The following PRDM10 variants were observed in gnomAD, a reference collection of about 807,000 sequenced individuals.
PRDM10 encodes the protein PR domain zinc finger protein 10.
PRDM10 carries 65 observed loss-of-function variants against 133.1 expected under a neutral mutation model. That is an observed-to-expected ratio of 0.49 (90% CI 0.40 to 0.60). The LOEUF (loss-of-function observed/expected upper bound fraction) is 0.60, where lower values mean the gene tolerates loss of function less well. PRDM10 is among the 20% of genes least tolerant of loss of function. The pLI, the probability that PRDM10 is intolerant of heterozygous loss-of-function variation, is 0.00. For synonymous variants in PRDM10, 582 were observed against 580.4 expected, an observed-to-expected ratio of 1.00 and a Z score of -0.04; for missense variants, 1,137 against 1,507.1, an observed-to-expected ratio of 0.75 and a Z score of 4.07.
At chr11:129,941,524 C>G (rs1203972226) in intron 7 of PRDM10, among the ~76,000 whole-genome samples, 1 of 152,098 alleles carries the variant, frequency 6.6e-6, no homozygotes, top group Non-Finnish European at 1.5e-5. Flanking sequence ...TGAAGTTAAC[C>G]GACATCTTTA....
chr11:129,914,535 G>A (rs1371571063), intron 17 of PRDM10, 169 bp downstream of exon 17: 1 of 910,436 alleles, frequency 1.1e-6, no homozygotes, highest in East Asian at 2.6e-5. Flanking sequence ...ACATTGCTAA[G>A]GCCAGAGGCC....
chr11:129,946,304 T>G (rs568372366), intron 5 of PRDM10, among the ~76,000 whole-genome samples: 31 of 151,748 alleles, frequency 2.0e-4, no homozygotes, highest in Middle Eastern at 6.8e-3. Context: ...AGAAAACGTA[T>G]GAATTCAAGG....
intron 7 of PRDM10, among the ~76,000 whole-genome samples, chr11:129,941,407 G>A (rs1274802052): frequency 6.6e-6 from 1 of 152,080 alleles, no homozygotes; most frequent in Non-Finnish European, 1.5e-5. Context: ...ATATATTTAT[G>A]AAATCAGAAG....
chr11:129,966,137 G>A (rs936958682), intron 1 of PRDM10, among the ~76,000 whole-genome samples: 7 of 152,146 alleles, frequency 4.6e-5, no homozygotes, highest in Middle Eastern at 6.8e-3. Context: ...CCAGCTGCTC[G>A]GGAGGCTGAG....
chr11:129,994,746 G>C (rs1253811659), intron 1 of PRDM10, among the ~76,000 whole-genome samples: 1 of 151,912 alleles, frequency 6.6e-6, no homozygotes, highest in Non-Finnish European at 1.5e-5. Context: ...CCGCCTCCTG[G>C]GTTCATGCCA....
intron 15 of PRDM10, 133 bp downstream of exon 15, chr11:129,916,994 G>A (rs1950377926): frequency 1.7e-6 from 1 of 573,068 alleles, no homozygotes; most frequent in Non-Finnish European, 2.9e-6. Flanking sequence ...TTGTCTGAAT[G>A]GAGACTACTG....
rs1555113257 is a variant in PRDM10, at chr11:129,977,971, A to AAAAG, written c.-118-16893_-118-16890dup. Reference sequence around the variant, plus strand: ...GTGAGAGACCCTGTCTTTAAAAAAAAAAAGAAAGAAAGAAAGAAAGCAGGA... The same window carrying AAAAG: ...GTGAGAGACCCTGTCTTTAAAAAAAAAAAGAAAGAAAGAAAGAAAGAAAGCAGGA... On this transcript the variant is annotated intron_variant, in intron 1 of 20. Transcript: ENST00000360871. Among the ~76,000 whole-genome samples the AAAAG allele has an allele frequency of 8.0e-5, 12 of 150,822 alleles. No individual in the cohort carries two copies. In the East Asian group the frequency reaches 1.4e-3, roughly 17 times the overall value.
intron 14 of PRDM10, among the ~76,000 whole-genome samples, chr11:129,917,489 T>C (rs1950394167): frequency 6.6e-6 from 1 of 152,250 alleles, no homozygotes; most frequent in African/African-American, 2.4e-5. Flanking sequence ...AATTCAGCCA[T>C]CAACAGTCTT....
intron 11 of PRDM10, among the ~76,000 whole-genome samples, chr11:129,927,623 GC>G (rs980204376): frequency 6.6e-6 from 1 of 152,054 alleles, no homozygotes; most frequent in African/African-American, 2.4e-5. Context: ...TTTAAACTGA[GC>G]CACCACCTGG....
intron 1 of PRDM10, among the ~76,000 whole-genome samples, 173 bp downstream of exon 1, chr11:130,002,549 T>C (rs1939484079): frequency 6.9e-6 from 1 of 145,500 alleles, no homozygotes; most frequent in African/African-American, 2.5e-5. Context: ...ACCACCACCA[T>C]CAATTCCCCC....
chr11:129,953,167 G>A (rs762243347), intron 4 of PRDM10, among the ~76,000 whole-genome samples: 6 of 151,858 alleles, frequency 4.0e-5, no homozygotes, highest in Non-Finnish European at 7.4e-5. Context: ...TAGTTGAGAT[G>A]GAGTTTCACT....
At position 129,949,492 on chromosome 11, in the gene PRDM10, G is replaced by A. The variant is rs928263518; in HGVS notation, c.295-2122C>T. Among the ~76,000 whole-genome samples, 3 of 152,216 alleles carry A rather than the reference G, an allele frequency of 2.0e-5. No homozygotes were observed. In the East Asian group the frequency reaches 5.8e-4, roughly 29 times the overall value. ...GCTGAGCATAAAGTAGGTGTTCAAT[G>A]AAGATTAATTTGTTGAAATATATTT... On this transcript the variant is annotated intron_variant, in intron 4 of 20. Coordinates refer to ENST00000360871, the MANE Select transcript of PRDM10 (RefSeq NM_199437.2).
At chr11:129,995,350 C>G (rs2136003404) in intron 1 of PRDM10, among the ~76,000 whole-genome samples, 1 of 146,804 alleles carries the variant, frequency 6.8e-6, no homozygotes, top group South Asian at 2.1e-4. Context: ...GCATAATTCC[C>G]TGACCTCTAC....
Position 129,947,952 on chromosome 11 carries a change from C to T in PRDM10, c.295-582G>A. The T allele has an allele frequency of 2.3e-6, 1 of 441,890 alleles. No homozygotes were observed. The highest frequency in any genetic ancestry group is 2.0e-5 in the African/African-American group (1 of 49,632). The allele number at this position is 441,890 out of a possible 1,614,324, so 27.4% of individuals were successfully genotyped here. ...AAATGAGTTGACCTATCCTCAACCACTTGTCTTTTAAAACTAAACACGTCG... is the reference window on the plus strand; with the variant it reads ...AAATGAGTTGACCTATCCTCAACCATTTGTCTTTTAAAACTAAACACGTCG... On this transcript the variant is annotated intron_variant, in intron 4 of 20. Transcript: ENST00000360871. The surrounding 1 kb of genome is among the most constrained non-coding windows in gnomAD (Gnocchi z 4.6).
At chr11:129,946,958 C>T (rs1215420850) in intron 5 of PRDM10, among the ~76,000 whole-genome samples, 187 bp downstream of exon 5, 4 of 152,080 alleles carry the variant, frequency 2.6e-5, no homozygotes, top group Admixed American at 6.6e-5. Flanking sequence ...AATCAGAAAA[C>T]GAAGGAGAGT....
chr11:129,916,389 T>C (rs908325437), intron 15 of PRDM10, among the ~76,000 whole-genome samples: 7 of 152,256 alleles, frequency 4.6e-5, no homozygotes, highest in Non-Finnish European at 2.9e-5. Context: ...GGCTCATGCC[T>C]ATAATCCCAG....
At chr11:129,941,305 A>T (rs1174048040) in intron 7 of PRDM10, among the ~76,000 whole-genome samples, 1 of 152,210 alleles carries the variant, frequency 6.6e-6, no homozygotes, top group African/African-American at 2.4e-5. Flanking sequence ...GCTTTATTTT[A>T]AAAAAGGAAT....
chr11:129,979,594 T>G (rs11828464), intron 1 of PRDM10, among the ~76,000 whole-genome samples: 4,078 of 152,268 alleles, frequency 0.027, 133 homozygotes, highest in East Asian at 0.1. Context: ...AACTTGAAAC[T>G]ACTGAAAACC....
At chr11:129,971,390 T>TA (rs376098245) in intron 1 of PRDM10, among the ~76,000 whole-genome samples, 166 of 152,138 alleles carry the variant, frequency 1.1e-3, no homozygotes, top group South Asian at 2.7e-3. Context: ...CTGAGATAGA[T>TA]ACAAAGGTTC....
Sources: gnomAD v4.1 joint callset for allele counts (sites outside exome capture counted in the v4.1 genomes callset) on GRCh38, gnomAD v4.1.1 for gene constraint, Gnocchi (gnomAD v3.1) non-coding constraint, MANE v1.5 for transcripts, NCBI Gene and HGNC (gene_info 2026-07-23, HGNC 2026-07-21) for gene names.